Variants in TNRC6A observed in about 807,000 individuals in gnomAD.
The protein encoded by TNRC6A is trinucleotide repeat containing adaptor 6A.
Under a neutral mutation model 221.2 loss-of-function variants are expected in TNRC6A, and 44 were observed. That is an observed-to-expected ratio of 0.20 (90% CI 0.16 to 0.26). The LOEUF (loss-of-function observed/expected upper bound fraction) is 0.26. Ranked by LOEUF, TNRC6A falls within the 10% of genes least tolerant of loss-of-function variation. The pLI is 1.00. For missense variants in TNRC6A, 2,199 were observed against 2,404.4 expected, an observed-to-expected ratio of 0.91 and a Z score of 1.79; for synonymous variants, 847 against 838.5, an observed-to-expected ratio of 1.01 and a Z score of -0.18.
chr16:24,665,343 G>A (rs2055136526), intron 2 of TNRC6A, among the ~76,000 whole-genome samples: 1 of 152,072 alleles, frequency 6.6e-6, no homozygotes, highest in Non-Finnish European at 1.5e-5. Flanking sequence ...CTAAAGCGCT[G>A]GGATTACAGG....
intron 4 of TNRC6A, among the ~76,000 whole-genome samples, chr16:24,773,991 GAC>G (rs1307036157): frequency 2.6e-5 from 4 of 151,984 alleles, no homozygotes; most frequent in African/African-American, 9.7e-5. Context: ...CATTTATTGT[GAC>G]ACAGATAATT....
At chr16:24,767,163 G>A (rs543471945) in intron 4 of TNRC6A, among the ~76,000 whole-genome samples, 1 of 152,306 alleles carries the variant, frequency 6.6e-6, no homozygotes, top group South Asian at 2.1e-4. Context: ...TCATTCTGAG[G>A]ATGAGATACG....
At chr16:24,778,000 T>C (rs1380593821) in intron 5 of TNRC6A, among the ~76,000 whole-genome samples, 1 of 152,200 alleles carries the variant, frequency 6.6e-6, no homozygotes, top group Non-Finnish European at 1.5e-5. Context: ...AGTCTGTCCA[T>C]CCATTCATTT....
In TNRC6A at chr16:24,729,827, G is replaced by C; in HGVS notation, c.-15G>C. 7.1e-7 allele frequency: 1 copy of C among 1,403,792 alleles called. No homozygotes were observed. Among genetic ancestry groups the C allele is most frequent in the Non-Finnish European group, 9.3e-7 (1 of 1,071,086 alleles). 87.0% of individuals were successfully genotyped at this position (1,403,792 alleles called of 1,614,324 possible). A position where few individuals can be genotyped will look rare whatever the true frequency, so the allele number is the denominator to read the frequency against. On this transcript the variant is annotated 5_prime_UTR_variant, in exon 1 of 25. Coordinates refer to ENST00000395799, the MANE Select transcript of TNRC6A (RefSeq NM_014494.4). ...CTCCTTCGCCGCGCCCCACTTGCTC[G>C]TGCACTTTACACACATGAGGTGAGC...
intron 1 of TNRC6A, among the ~76,000 whole-genome samples, chr16:24,617,002 A>G (rs1210906216): frequency 6.6e-6 from 1 of 152,144 alleles, no homozygotes; most frequent in Non-Finnish European, 1.5e-5. Context: ...CATATTGTGC[A>G]AGTCTTCTGT....
chr16:24,623,635 C>T (rs576905131), intron 1 of TNRC6A, among the ~76,000 whole-genome samples: 1 of 151,998 alleles, frequency 6.6e-6, no homozygotes, highest in African/African-American at 2.4e-5. Flanking sequence ...GTGGCGCACA[C>T]CTGTAATCCT....
At chr16:24,819,698 G>A (rs1007970367) in intron 21 of TNRC6A, 2 of 209,842 alleles carry the variant, frequency 9.5e-6, no homozygotes, top group Non-Finnish European at 1.9e-5. Context: ...CAGGCACCCC[G>A]TGAAGATCTC....
intron 5 of TNRC6A, among the ~76,000 whole-genome samples, chr16:24,786,331 TTTTG>T (rs1555504651): frequency 4.6e-5 from 7 of 151,946 alleles, no homozygotes; most frequent in Non-Finnish European, 8.8e-5. Context: ...TTTTGTTTTG[TTTTG>T]TTTTTTTTGA....
At chr16:24,672,652 G>A (rs1205644793) in intron 2 of TNRC6A, among the ~76,000 whole-genome samples, 1 of 151,778 alleles carries the variant, frequency 6.6e-6, no homozygotes, top group Non-Finnish European at 1.5e-5. Context: ...CCATATAGCT[G>A]AAGCTGGTCT....
chr16:24,702,107 C>A (rs66531211), intron 2 of TNRC6A, among the ~76,000 whole-genome samples: 1 of 50,252 alleles, frequency 2.0e-5, no homozygotes, highest in South Asian at 6.2e-4. Flanking sequence ...TTTCTTTTTT[C>A]TTTTTTTTTT....
chr16:24,627,478 T>C (rs1901081702), intron 1 of TNRC6A, among the ~76,000 whole-genome samples: 1 of 152,034 alleles, frequency 6.6e-6, no homozygotes, highest in Admixed American at 6.6e-5. Context: ...ATTATCTTAA[T>C]GACTGCCCCG....
chr16:24,791,812 G>T lies in TNRC6A; in HGVS notation c.3170G>T (p.Gly1057Val). 2.0e-6 allele frequency: 3 copies of T among 1,527,124 alleles called. No individual in the cohort carries two copies. Among genetic ancestry groups the T allele is most frequent in the South Asian group, 2.6e-5 (2 of 76,076 alleles). The allele number at this position is 1,527,124 out of a possible 1,614,324, so 94.6% of individuals were successfully genotyped here. ...ATCTCAAACAAAGAGGCAAGCAGTG[G>T]CTCTGGTAAGTTTCTATTTTATGAA... ...SAISNKEASSGSGWGEPWGEP... is the reference protein window; with the variant it reads ...SAISNKEASSVSGWGEPWGEP... The change falls in exon 6 of 25, where the codon GGC becomes GTC. Residue 1057 changes from glycine to valine, a missense_variant. Coordinates refer to ENST00000395799, the MANE Select transcript of TNRC6A (RefSeq NM_014494.4).
intron 1 of TNRC6A, among the ~76,000 whole-genome samples, chr16:24,630,111 T>C (rs188823080): frequency 6.6e-6 from 1 of 152,310 alleles, no homozygotes; most frequent in African/African-American, 2.4e-5. Flanking sequence ...GAAAAGAATG[T>C]TATATTTTTT....
At chr16:24,738,934 A>G (rs1400844828) in intron 2 of TNRC6A, among the ~76,000 whole-genome samples, 1 of 151,774 alleles carries the variant, frequency 6.6e-6, no homozygotes, top group Non-Finnish European at 1.5e-5. Context: ...GCTCACTGCA[A>G]CCTCCCACCT....
chr16:24,690,485 C>A (rs776663547), intron 2 of TNRC6A, among the ~76,000 whole-genome samples: 14 of 151,998 alleles, frequency 9.2e-5, no homozygotes, highest in Non-Finnish European at 1.8e-4. Flanking sequence ...GAAATAATTT[C>A]TATTATAATA....
chr16:24,823,787 G>C lies in TNRC6A; in HGVS notation c.5869G>C (p.Gly1957Arg). The change falls in exon 25 of 25, where the codon GGG (glycine) becomes CGG (arginine). Residue 1957 changes from glycine to arginine, a missense_variant. By Grantham distance (125) the Gly-to-Arg change is moderately radical. This residue lies in a region of TNRC6A where 130 missense variants were observed against 121.7 expected (regional missense o/e 1.07). Transcript: ENST00000395799. The surrounding 1 kb of genome is among the most constrained non-coding windows in gnomAD (Gnocchi z 4.3). ...TTTTCTTTCTGTTGACCACCTGGGT[G>C]GGGGTGGAGAGTCCATGTAACAGTG... ...NAFLSVDHLG[G>R]GGESM The C allele has an allele frequency of 1.4e-6, 2 of 1,476,060 alleles. No individual in the cohort carries two copies. The highest frequency in any genetic ancestry group is 2.5e-5 in the East Asian group (1 of 40,112). The allele number at this position is 1,476,060 out of a possible 1,614,324, so 91.4% of individuals were successfully genotyped here.
intron 18 of TNRC6A, among the ~76,000 whole-genome samples, chr16:24,812,924 G>A (rs1434412219): frequency 7.1e-6 from 1 of 140,682 alleles, no homozygotes; most frequent in Non-Finnish European, 1.5e-5. Context: ...TGCCGAGGCT[G>A]GAGTGCAGTG....
At chr16:24,775,600 G>A (rs1039378429) in intron 4 of TNRC6A, among the ~76,000 whole-genome samples, 4 of 152,160 alleles carry the variant, frequency 2.6e-5, no homozygotes, top group African/African-American at 9.7e-5. Flanking sequence ...CATATATATT[G>A]TAGGCATTTG....
At chr16:24,797,991 T>C (rs1359046070) in intron 11 of TNRC6A, 25 bp downstream of exon 11, 4 of 1,596,602 alleles carry the variant, frequency 2.5e-6, no homozygotes, top group Non-Finnish European at 3.4e-6. Context: ...AATCTGTTTA[T>C]ATTCCTCATT....
Sources: allele counts gnomAD v4.1 joint callset (sites outside exome capture counted in the v4.1 genomes callset), GRCh38; gene constraint gnomAD v4.1.1; regional missense constraint gnomAD v4.1.1; non-coding constraint Gnocchi (gnomAD v3.1); transcripts MANE v1.5; gene names NCBI Gene and HGNC (gene_info 2026-07-23, HGNC 2026-07-21).